Variants in AKAP6 observed in about 807,000 individuals in gnomAD.
The protein encoded by AKAP6 is A-kinase anchor protein 6.
AKAP6 carries 58 observed loss-of-function variants against 188.5 expected under a neutral mutation model. The observed-to-expected ratio is 0.31, with a 90% CI of 0.25 to 0.38. The LOEUF is 0.38. Ranked by LOEUF, AKAP6 falls within the 10% of genes least tolerant of loss-of-function variation. The pLI is 1.00. For missense variants in AKAP6, 2,710 were observed against 2,740.0 expected (o/e 0.99, Z 0.24); for synonymous variants, 989 against 998.6 (o/e 0.99, Z 0.18).
intron 7 of AKAP6, among the ~76,000 whole-genome samples, chr14:32,634,136 C>A (rs1887391230): frequency 6.6e-6 from 1 of 152,064 alleles, no homozygotes; most frequent in Admixed American, 6.6e-5. Context: ...CAGCCTGGGA[C>A]TGAACCCAGG....
chr14:32,333,513 T>C (rs1396234196), intron 1 of AKAP6, among the ~76,000 whole-genome samples: 4 of 152,186 alleles, frequency 2.6e-5, no homozygotes, highest in African/African-American at 9.6e-5. Context: ...CCTCTAATAC[T>C]GCAATACTAT....
intron 3 of AKAP6, among the ~76,000 whole-genome samples, chr14:32,540,156 CTCTCTCT>C: frequency 8.6e-6 from 1 of 116,868 alleles, no homozygotes; most frequent in South Asian, 2.7e-4. Flanking sequence ...CTCTCTCTCT[CTCTCTCT>C]CTCTCTATAT....
intron 12 of AKAP6, among the ~76,000 whole-genome samples, chr14:32,776,203 C>T (rs2033054885): frequency 6.6e-6 from 1 of 152,158 alleles, no homozygotes; most frequent in Non-Finnish European, 1.5e-5. Context: ...TTGTCTGTGT[C>T]CCCAACCAAA....
chr14:32,806,981 G>A (rs2034104818), intron 12 of AKAP6, among the ~76,000 whole-genome samples: 2 of 152,132 alleles, frequency 1.3e-5, no homozygotes, highest in South Asian at 4.2e-4. Context: ...TTGAACCTAG[G>A]AGGCAGAGGT....
intron 1 of AKAP6, among the ~76,000 whole-genome samples, chr14:32,359,895 T>C (rs1286815439): frequency 3.3e-5 from 5 of 152,186 alleles, no homozygotes; most frequent in Non-Finnish European, 7.3e-5. Flanking sequence ...ATTTTAACCT[T>C]GATCACACAG....
At chr14:32,802,219 A>G (rs1215997524) in intron 12 of AKAP6, among the ~76,000 whole-genome samples, 2 of 152,184 alleles carry the variant, frequency 1.3e-5, no homozygotes, top group East Asian at 3.9e-4. Flanking sequence ...ATTATGTTAT[A>G]CCACTCAGCA....
At chr14:32,776,025 T>G (rs950406429) in intron 12 of AKAP6, among the ~76,000 whole-genome samples, 1 of 152,216 alleles carries the variant, frequency 6.6e-6, no homozygotes, top group African/African-American at 2.4e-5. Context: ...CTCTGCTTCT[T>G]ATCTCTGTTG....
At chr14:32,811,064 C>T (rs531064097) in intron 12 of AKAP6, among the ~76,000 whole-genome samples, 1 of 151,612 alleles carries the variant, frequency 6.6e-6, no homozygotes, top group Non-Finnish European at 1.5e-5. Flanking sequence ...ATGGAGAAAC[C>T]CCGTCTCTAC....
At chr14:32,622,045 GATT>G in intron 7 of AKAP6, among the ~76,000 whole-genome samples, 1 of 152,030 alleles carries the variant, frequency 6.6e-6, no homozygotes, top group Non-Finnish European at 1.5e-5. Context: ...ACTTTTGTAA[GATT>G]ATCATTCCTT....
Position 32,834,531 on chromosome 14 carries a change from G to GTGTTT in AKAP6, c.*4727_*4728insGTTTT, listed in dbSNP as rs1437449754. 1 of 90,502 alleles carries GTGTTT rather than the reference G, an allele frequency of 1.1e-5. No individual in the cohort carries two copies. Among genetic ancestry groups the GTGTTT allele is most frequent in the Non-Finnish European group, 2.2e-5 (1 of 46,348 alleles). 5.6% of individuals were successfully genotyped at this position (90,502 alleles called of 1,614,324 possible). Reference sequence around the variant, plus strand: ...ATCACACACTGCTTTTAGTTTCCAAGTCTTTTTTTTTTTTTTTTTTTTTAA... The same window carrying GTGTTT: ...ATCACACACTGCTTTTAGTTTCCAAGTGTTTTCTTTTTTTTTTTTTTTTTTTTTAA... On this transcript the variant is annotated 3_prime_UTR_variant, in exon 14 of 14. Coordinates refer to ENST00000280979, the MANE Select transcript of AKAP6 (RefSeq NM_004274.5).
At chr14:32,580,333 A>G (rs2139277589) in intron 5 of AKAP6, among the ~76,000 whole-genome samples, 1 of 152,190 alleles carries the variant, frequency 6.6e-6, no homozygotes, top group East Asian at 1.9e-4. Context: ...TTTTCAGGAA[A>G]ATATCATTCT....
intron 1 of AKAP6, among the ~76,000 whole-genome samples, chr14:32,394,692 ATG>A (rs1888818474): frequency 6.6e-6 from 1 of 152,120 alleles, no homozygotes; most frequent in Non-Finnish European, 1.5e-5. Flanking sequence ...TGTTTGTTGC[ATG>A]TGTCTGTTTT....
intron 1 of AKAP6, among the ~76,000 whole-genome samples, chr14:32,340,259 C>A (rs998827352): frequency 3.3e-5 from 5 of 151,708 alleles, no homozygotes; most frequent in African/African-American, 1.2e-4. Context: ...TTTCAACAAC[C>A]TTATGCTACA....
intron 11 of AKAP6, among the ~76,000 whole-genome samples, chr14:32,737,043 G>C (rs1347799888): frequency 2.0e-5 from 3 of 152,140 alleles, no homozygotes; most frequent in Non-Finnish European, 4.4e-5. Context: ...CTAATACCCA[G>C]GTGATTTGCT....
intron 7 of AKAP6, among the ~76,000 whole-genome samples, chr14:32,643,453 A>G (rs1665593230): frequency 6.6e-6 from 1 of 151,576 alleles, no homozygotes; most frequent in Non-Finnish European, 1.5e-5. Context: ...GATTATAGGC[A>G]CCCACCACCA....
At position 32,430,216 on chromosome 14, in the gene AKAP6, A is replaced by G. The variant is rs142054160; in HGVS notation, c.-34-3244A>G. On this transcript the variant is annotated intron_variant, in intron 1 of 13. Transcript: ENST00000280979. ...CCAACAGCTTTGAAATCTCTGGATAAATAACCCTAGGCAATCACAGATTCT... is the reference window on the plus strand; with the variant it reads ...CCAACAGCTTTGAAATCTCTGGATAGATAACCCTAGGCAATCACAGATTCT... Among the ~76,000 whole-genome samples the G allele has an allele frequency of 8.8e-4, 134 of 152,322 alleles. 2 individuals carry two copies. The East Asian group carries it at 0.024, about 27-fold the overall frequency.
chr14:32,615,989 A>T (rs948524680), intron 7 of AKAP6, among the ~76,000 whole-genome samples: 1 of 152,178 alleles, frequency 6.6e-6, no homozygotes, highest in African/African-American at 2.4e-5. Flanking sequence ...ATGTTCCCTC[A>T]TGACTTCTTG....
At chr14:32,497,481 CTTTTA>C (rs1454083202) in intron 2 of AKAP6, among the ~76,000 whole-genome samples, 1 of 152,008 alleles carries the variant, frequency 6.6e-6, no homozygotes, top group Non-Finnish European at 1.5e-5. Flanking sequence ...TAAGTTGAAT[CTTTTA>C]AAATTTATTG....
rs534766037 is a variant in AKAP6 at position 32,771,288 on chromosome 14, G to A, written c.3373-2390G>A. 4.0e-5 allele frequency among the ~76,000 whole-genome samples: 6 copies of A among 149,588 alleles called. No individual in the cohort carries two copies. In the South Asian group the frequency reaches 1.3e-3, roughly 32 times the overall value. ...GTAGCATTATTTCCCAAGTGCACAT[G>A]TAGGATAAATTTTTAATTCAGAATG... is the stretch of plus-strand genomic sequence containing the variant. On this transcript the variant is annotated intron_variant, in intron 11 of 13. Transcript: ENST00000280979.
Sources: gnomAD v4.1 joint callset for allele counts (sites outside exome capture counted in the v4.1 genomes callset) on GRCh38, gnomAD v4.1.1 for gene constraint, MANE v1.5 for transcripts, NCBI Gene and HGNC (gene_info 2026-07-23, HGNC 2026-07-21) for gene names.